Variants in RBFOX1 observed in about 807,000 individuals in gnomAD.
RBFOX1 encodes RNA binding fox-1 homolog 1, also known as RNA binding protein fox-1 homolog 1.
Under a neutral mutation model 57.7 loss-of-function variants are expected in RBFOX1, and 8 were observed. The observed-to-expected ratio is 0.14, with a 90% CI of 0.08 to 0.25. The LOEUF (loss-of-function observed/expected upper bound fraction) is 0.25. Ranked by LOEUF, RBFOX1 falls within the 10% of genes least tolerant of loss-of-function variation. The pLI, the probability that RBFOX1 is intolerant of heterozygous loss-of-function variation, is 1.00. For synonymous variants in RBFOX1, 326 were observed against 222.4 expected (o/e 1.47, Z -4.15); for missense variants, 611 against 548.5 (o/e 1.11, Z -1.14).
intron 2 of RBFOX1, among the ~76,000 whole-genome samples, chr16:6,378,187 A>G (rs1366846218): frequency 6.6e-6 from 1 of 152,194 alleles, no homozygotes; most frequent in Non-Finnish European, 1.5e-5. Context: ...CCAGCAGCAG[A>G]TGTTTGTCCT....
At chr16:5,897,826 T>C (rs986199749) in intron 4 of RBFOX1, among the ~76,000 whole-genome samples, 13 of 146,944 alleles carry the variant, frequency 8.8e-5, no homozygotes, top group African/African-American at 2.8e-4. Context: ...GCAATTCATT[T>C]AACTTCTCTT....
intron 1 of RBFOX1, chr16:6,038,573 C>CCAA (rs2095399367): frequency 7.3e-6 from 1 of 137,008 alleles, no homozygotes; most frequent in African/African-American, 2.7e-5. Context: ...ATATATCATC[C>CCAA]ATATATATAT....
intron 4 of RBFOX1, among the ~76,000 whole-genome samples, chr16:5,938,528 A>G (rs1039163191): frequency 2.6e-5 from 4 of 152,136 alleles, no homozygotes; most frequent in African/African-American, 9.7e-5. Flanking sequence ...CCTCCCTAAA[A>G]CCAGGGAAAC....
chr16:5,505,341 G>T (rs551883719), intron 2 of RBFOX1, among the ~76,000 whole-genome samples: 1 of 152,130 alleles, frequency 6.6e-6, no homozygotes, highest in African/African-American at 2.4e-5. Flanking sequence ...GGTGCCTGTC[G>T]TCTTATTCTG....
At chr16:5,447,895 G>T (rs1233502458) in intron 1 of RBFOX1, among the ~76,000 whole-genome samples, 2 of 152,320 alleles carry the variant, frequency 1.3e-5, no homozygotes, top group Non-Finnish European at 2.9e-5. Flanking sequence ...ATTTCAGGTG[G>T]CCTCCATGCT....
chr16:7,530,056 G>T (rs998122830), intron 5 of RBFOX1, among the ~76,000 whole-genome samples: 4 of 150,870 alleles, frequency 2.7e-5, no homozygotes, highest in Non-Finnish European at 5.9e-5. Flanking sequence ...CTTTAAGGGA[G>T]ACTGTATTTC....
intron 2 of RBFOX1, among the ~76,000 whole-genome samples, chr16:5,512,444 C>A (rs867298863): frequency 1.3e-5 from 2 of 150,290 alleles, no homozygotes; most frequent in African/African-American, 4.9e-5. Context: ...GTCTCTCTCT[C>A]TCTTCTTTCA....
intron 3 of RBFOX1, among the ~76,000 whole-genome samples, chr16:6,870,505 T>G (rs2060683156): frequency 6.6e-6 from 1 of 152,178 alleles, no homozygotes; most frequent in Non-Finnish European, 1.5e-5. Context: ...CATGATATTA[T>G]TTGCCATGAA....
At chr16:6,619,355 C>G (rs539394267) in intron 2 of RBFOX1, among the ~76,000 whole-genome samples, 1 of 152,152 alleles carries the variant, frequency 6.6e-6, no homozygotes, top group East Asian at 1.9e-4. Context: ...CAGTATGACT[C>G]TTTAAATAGC....
intron 4 of RBFOX1, among the ~76,000 whole-genome samples, chr16:7,406,924 A>G (rs1312888930): frequency 6.6e-6 from 1 of 152,118 alleles, no homozygotes; most frequent in Admixed American, 6.6e-5. Context: ...CTCCAATGCT[A>G]TCAGTGTAGC....
intron 4 of RBFOX1, among the ~76,000 whole-genome samples, chr16:7,334,751 C>A (rs577217117): frequency 6.6e-6 from 1 of 152,210 alleles, no homozygotes; most frequent in African/African-American, 2.4e-5. Context: ...TGAGAAGATG[C>A]AAGGGCCAGC....
intron 3 of RBFOX1, among the ~76,000 whole-genome samples, chr16:5,771,504 G>T (rs563530036): frequency 1.3e-5 from 2 of 152,266 alleles, no homozygotes; most frequent in African/African-American, 2.4e-5. Context: ...TGCCTCCTGG[G>T]TTCACATGAT....
chr16:7,367,795 GT>G (rs1184209782), intron 4 of RBFOX1, among the ~76,000 whole-genome samples: 1 of 151,820 alleles, frequency 6.6e-6, no homozygotes, highest in Non-Finnish European at 1.5e-5. Flanking sequence ...TCAAAAGAAG[GT>G]AAAAATCCAG....
intron 4 of RBFOX1, among the ~76,000 whole-genome samples, chr16:7,407,045 A>G (rs766461351): frequency 3.9e-5 from 6 of 151,964 alleles, no homozygotes; most frequent in East Asian, 1.9e-4. Flanking sequence ...TAATCTCCCC[A>G]TCTCGAGACC....
intron 2 of RBFOX1, among the ~76,000 whole-genome samples, chr16:5,587,744 G>A (rs1027716130): frequency 2.6e-5 from 4 of 152,106 alleles, no homozygotes; most frequent in Non-Finnish European, 4.4e-5. Flanking sequence ...GTATTGATGA[G>A]AATATGGAGG....
chr16:7,189,597 A>ACACACACACACACACACAC (rs1236934164), intron 4 of RBFOX1, among the ~76,000 whole-genome samples: 1 of 151,480 alleles, frequency 6.6e-6, no homozygotes, highest in Non-Finnish European at 1.5e-5. Context: ...ATACACACAC[A>ACACACACACACACACACAC]AAATAGAGCA....
intron 2 of RBFOX1, among the ~76,000 whole-genome samples, chr16:6,612,860 A>ATAATAATAAT (rs1555612722): frequency 3.6e-5 from 1 of 27,856 alleles, no homozygotes; most frequent in Non-Finnish European, 9.2e-5. Flanking sequence ...AAAAAAAAAA[A>ATAATAATAAT]AAAAATAATA....
intron 3 of RBFOX1, among the ~76,000 whole-genome samples, chr16:6,905,259 TA>T (rs905061942): frequency 2.7e-4 from 41 of 151,400 alleles, no homozygotes; most frequent in Admixed American, 6.6e-4. Context: ...AAAAAAAAAT[TA>T]AAAAAAAGAA....
chr16:7,083,624 T>C (rs906488342), intron 4 of RBFOX1, among the ~76,000 whole-genome samples: 1 of 152,072 alleles, frequency 6.6e-6, no homozygotes, highest in South Asian at 2.1e-4. Flanking sequence ...AAACAACTTA[T>C]TACATTATTC....
Sources: allele counts gnomAD v4.1 joint callset (sites outside exome capture counted in the v4.1 genomes callset), GRCh38; gene constraint gnomAD v4.1.1; transcripts MANE v1.5; gene names NCBI Gene and HGNC (gene_info 2026-07-23, HGNC 2026-07-21).